Variants in CDKAL1 observed in about 807,000 individuals in gnomAD.
The protein encoded by CDKAL1 is CDKAL1 threonylcarbamoyladenosine tRNA methylthiotransferase, also known as threonylcarbamoyladenosine tRNA methylthiotransferase.
A neutral mutation model predicts 68.2 loss-of-function variants in CDKAL1; 32 were observed. The ratio of observed to expected loss-of-function variants is 0.47; its 90% CI spans 0.35 to 0.63. The LOEUF (loss-of-function observed/expected upper bound fraction) is 0.63. CDKAL1 is among the 30% of genes least tolerant of loss of function. The pLI is 0.00. For missense variants in CDKAL1, 606 were observed against 696.7 expected, an observed-to-expected ratio of 0.87 and a Z score of 1.47; for synonymous variants, 234 against 244.3, an observed-to-expected ratio of 0.96 and a Z score of 0.39.
chr6:21,111,135 A>G (rs1016156318), intron 13 of CDKAL1, among the ~76,000 whole-genome samples: 1 of 152,236 alleles, frequency 6.6e-6, no homozygotes, highest in African/African-American at 2.4e-5. Context: ...CATAATAGAA[A>G]GATACAAAAA....
chr6:21,067,070 T>C (rs1409307189), intron 12 of CDKAL1, among the ~76,000 whole-genome samples: 5 of 152,234 alleles, frequency 3.3e-5, no homozygotes, highest in Non-Finnish European at 7.3e-5. Context: ...GCTTTTGTAC[T>C]GTACCTACAG....
chr6:20,775,933 G>A (rs911220940), intron 7 of CDKAL1, among the ~76,000 whole-genome samples: 2 of 151,374 alleles, frequency 1.3e-5, no homozygotes, highest in African/African-American at 4.9e-5. Flanking sequence ...TTCATCTTTG[G>A]CCAGATATAA....
In CDKAL1 at chr6:20,795,880, G is replaced by A. The variant is rs543004655; in HGVS notation, c.638+14615G>A. 3.3e-5 allele frequency among the ~76,000 whole-genome samples: 5 copies of A among 152,288 alleles called. No homozygotes were observed. In the East Asian group the frequency reaches 7.7e-4, roughly 24 times the overall value. On this transcript the variant is annotated intron_variant, in intron 8 of 15. Transcript: ENST00000274695. ...GTCTGTGATGACACAAATTCCAAGG[G>A]CAAAGGAAAGAGATTGGAACTAGTA...
intron 10 of CDKAL1, among the ~76,000 whole-genome samples, chr6:20,999,707 TAG>T (rs1767326877): frequency 6.9e-6 from 1 of 144,436 alleles, no homozygotes. Flanking sequence ...AGGTGAGTTG[TAG>T]AGTTTTTTTC....
At chr6:20,645,732 A>C (rs1172260961) in intron 4 of CDKAL1, among the ~76,000 whole-genome samples, 1 of 146,956 alleles carries the variant, frequency 6.8e-6, no homozygotes, top group East Asian at 2.0e-4. Flanking sequence ...TCTGTCTCAA[A>C]TAAATAAATA....
Position 20,613,249 on chromosome 6 carries a change from CTTTTTTTTTTTTTTTTTTTTT to C in CDKAL1, c.287-36021_287-36001del, listed in dbSNP as rs71559677. On this transcript the variant is annotated intron_variant, in intron 4 of 15. Transcript: ENST00000274695. ...TATCAGTTCATCACAAAATTTCTTT[CTTTTTTTTTTTTTTTTTTTTT>C]TTTTTTTTTTTTTTTTTTTTTTGAG... 3.9e-3 allele frequency among the ~76,000 whole-genome samples: 300 copies of C among 77,802 alleles called. 2 individuals are homozygous for C. The highest frequency in any genetic ancestry group is 4.8e-3 in the African/African-American group (91 of 19,116). The allele number at this position is 77,802 out of a possible 152,430, so 51.0% of individuals were successfully genotyped here.
intron 4 of CDKAL1, among the ~76,000 whole-genome samples, chr6:20,557,347 A>G (rs908348537): frequency 2.0e-5 from 3 of 152,080 alleles, no homozygotes; most frequent in Admixed American, 6.6e-5. Flanking sequence ...CATGTGTAGT[A>G]TCTGTAATGC....
chr6:21,058,784 A>G (rs1199425247), intron 11 of CDKAL1, among the ~76,000 whole-genome samples: 1 of 152,184 alleles, frequency 6.6e-6, no homozygotes, highest in African/African-American at 2.4e-5. Context: ...CTGCTCCTTC[A>G]TCTTGGACCT....
intron 8 of CDKAL1, among the ~76,000 whole-genome samples, chr6:20,833,152 G>A (rs1321606612): frequency 6.6e-6 from 1 of 152,148 alleles, no homozygotes; most frequent in African/African-American, 2.4e-5. Context: ...ATTTATTGGA[G>A]AATGAAAAGG....
At chr6:21,197,285 T>C (rs1218194945) in intron 13 of CDKAL1, among the ~76,000 whole-genome samples, 1 of 152,200 alleles carries the variant, frequency 6.6e-6, no homozygotes, top group African/African-American at 2.4e-5. Flanking sequence ...TTTTGGCTGA[T>C]TTACTTCTTT....
At chr6:20,644,135 C>CT (rs11348111) in intron 4 of CDKAL1, among the ~76,000 whole-genome samples, 58 of 143,432 alleles carry the variant, frequency 4.0e-4, no homozygotes, top group Non-Finnish European at 5.6e-4. Context: ...GTCTGGCCTG[C>CT]TTTTTTTTTT....
intron 8 of CDKAL1, among the ~76,000 whole-genome samples, chr6:20,804,238 G>A (rs187099881): frequency 6.6e-6 from 1 of 152,286 alleles, no homozygotes; most frequent in East Asian, 1.9e-4. Flanking sequence ...GATGGTAGGT[G>A]TACGGATACA....
intron 5 of CDKAL1, 47 bp from the exon 6 acceptor site, chr6:20,739,472 T>C: frequency 1.7e-6 from 2 of 1,183,538 alleles, no homozygotes; most frequent in Non-Finnish European, 2.5e-6. Flanking sequence ...TCCAAGAGTA[T>C]ACCCATGAGC....
intron 4 of CDKAL1, among the ~76,000 whole-genome samples, chr6:20,583,709 A>G (rs904659738): frequency 1.3e-5 from 2 of 152,034 alleles, no homozygotes; most frequent in African/African-American, 4.8e-5. Flanking sequence ...TAGGAGTATG[A>G]ATGGTATTGT....
chr6:20,838,046 T>C (rs1256675183), intron 8 of CDKAL1, among the ~76,000 whole-genome samples: 1 of 151,368 alleles, frequency 6.6e-6, no homozygotes, highest in Non-Finnish European at 1.5e-5. Flanking sequence ...ATACATCTAC[T>C]TTTATATATG....
At chr6:21,163,001 G>A (rs1201058731) in intron 13 of CDKAL1, among the ~76,000 whole-genome samples, 2 of 152,078 alleles carry the variant, frequency 1.3e-5, no homozygotes, top group Non-Finnish European at 2.9e-5. Context: ...GAGAGAGAGG[G>A]CCTGGCTTGA....
At chr6:20,918,126 G>GT (rs1393642608) in intron 9 of CDKAL1, among the ~76,000 whole-genome samples, 1 of 152,176 alleles carries the variant, frequency 6.6e-6, no homozygotes, top group Non-Finnish European at 1.5e-5. Flanking sequence ...GAAAAGAGGC[G>GT]TAAGAGAGCT....
intron 4 of CDKAL1, among the ~76,000 whole-genome samples, chr6:20,627,298 C>T (rs537676318): frequency 9.2e-5 from 14 of 152,112 alleles, no homozygotes; most frequent in Non-Finnish European, 1.6e-4. Context: ...TCAAATAAAT[C>T]TTTTCCTTTA....
At chr6:20,684,363 G>T (rs1029866192) in intron 5 of CDKAL1, among the ~76,000 whole-genome samples, 1 of 152,198 alleles carries the variant, frequency 6.6e-6, no homozygotes, top group Admixed American at 6.5e-5. Flanking sequence ...AATCACTTGA[G>T]TCCAGGAGGC....
Sources: allele counts gnomAD v4.1 joint callset (sites outside exome capture counted in the v4.1 genomes callset), GRCh38; gene constraint gnomAD v4.1.1; transcripts MANE v1.5; gene names NCBI Gene and HGNC (gene_info 2026-07-23, HGNC 2026-07-21).